The following GABRD variants were observed in gnomAD, a reference collection of about 807,000 sequenced individuals.
GABRD encodes gamma-aminobutyric acid receptor subunit delta.
In GABRD, 25 loss-of-function variants were observed where a neutral mutation model predicts 47.3. That is an observed-to-expected ratio of 0.53 (90% CI 0.39 to 0.74). The LOEUF is 0.74. Among genes scored for constraint, GABRD ranks in the 30% least tolerant of loss-of-function variants. The probability of loss-of-function intolerance (pLI) is 0.00; values close to 1 mark genes in which losing one functional copy is unlikely to be tolerated. For missense variants in GABRD, 497 were observed against 643.4 expected, an observed-to-expected ratio of 0.77 and a Z score of 2.46; for synonymous variants, 314 against 278.8, an observed-to-expected ratio of 1.13 and a Z score of -1.26.
intron 4 of GABRD, chr1:2,027,119 C>T: frequency 3.5e-6 from 1 of 287,162 alleles, no homozygotes; most frequent in Non-Finnish European, 6.7e-6. Context: ...GTCAAGATTG[C>T]ACCACTGCAC....
chr1:2,022,408 G>C (rs879649106), intron 1 of GABRD: 1 of 152,384 alleles, frequency 6.6e-6, no homozygotes, highest in Admixed American at 6.5e-5. Context: ...AATGGCGTGG[G>C]GGTGGGAGCC....
rs772795206 is a variant in GABRD, at chr1:2,025,071, G to A, written c.181+17G>A. The A allele has an allele frequency of 6.3e-7, 1 of 1,597,962 alleles. No individual in the cohort carries two copies. The highest frequency in any genetic ancestry group is 1.1e-5 in the South Asian group (1 of 90,254). ...GCATCGGAGGTGAGGGGCGGTCCAG[G>A]CCCGGCAGGCAGGAGCCGCTGGAGC... is the stretch of plus-strand genomic sequence containing the variant. On this transcript the variant is annotated intron_variant, in intron 2 of 8. Coordinates refer to ENST00000378585, the MANE Select transcript of GABRD (RefSeq NM_000815.5).
rs541971436 is a variant in GABRD at position 2,029,303 on chromosome 1, G to T, written c.847+37G>T. Reference sequence around the variant, plus strand: ...CGCCGCTGCTCCGAGGGAGCTGGAAGGGCGGCCCTGGGGAACAGGACTCCC... The same window carrying T: ...CGCCGCTGCTCCGAGGGAGCTGGAATGGCGGCCCTGGGGAACAGGACTCCC... On this transcript the variant is annotated intron_variant, in intron 7 of 8. Transcript: ENST00000378585. 12 of 1,536,112 alleles carry T rather than the reference G, an allele frequency of 7.8e-6. No individual in the cohort carries two copies. In the African/African-American group the frequency reaches 1.6e-4, roughly 21 times the overall value.
intron 4 of GABRD, 125 bp downstream of exon 4, chr1:2,025,863 A>AG (rs899554874): frequency 4.8e-4 from 346 of 717,530 alleles, no homozygotes; most frequent in East Asian, 3.1e-3. Flanking sequence ...GGGCGGGCGG[A>AG]GGGGGGGGCA....
At chr1:2,024,567 G>A (rs1471131510) in intron 1 of GABRD, 1 of 169,492 alleles carries the variant, frequency 5.9e-6, no homozygotes, top group African/African-American at 2.4e-5. Flanking sequence ...GGGACCCCAG[G>A]GGTGGAGACC....
intron 2 of GABRD, 72 bp downstream of exon 2, chr1:2,025,126 T>G (rs1658883393): frequency 7.2e-7 from 1 of 1,398,190 alleles, no homozygotes; most frequent in African/African-American, 1.4e-5. Context: ...TGTGGCCCAC[T>G]GGGCTGTAGG....
In GABRD at chr1:2,030,133, G is replaced by T; in HGVS notation, c.1210G>T (p.Glu404Ter). ...GGTGGAGACAGGGGAGACGAAGAAG[G>T]AGGGGGCAGCCCGCTCAGGAGGCCA... Reference protein sequence around the residue: ...VGVETGETKKEGAARSGGQGG... With the variant: ...VGVETGETKK Residue 404 changes from glutamate (E) to a stop codon, truncating the protein, a stop_gained, in exon 9 of 9, where the codon GAG becomes TAG. Transcript: ENST00000378585. LOFTEE classifies it high-confidence loss of function. 4.4e-6 allele frequency: 7 copies of T among 1,581,072 alleles called. No homozygotes were observed. The highest frequency in any genetic ancestry group is 5.2e-6 in the Non-Finnish European group (6 of 1,162,540).
At chr1:2,023,351 C>T (rs1658832812) in intron 1 of GABRD, among the ~76,000 whole-genome samples, 1 of 151,852 alleles carries the variant, frequency 6.6e-6, no homozygotes. Flanking sequence ...GGGCTGGTGG[C>T]CCGGCCTCAG....
chr1:2,020,883 G>A (rs780824312), intron 1 of GABRD, among the ~76,000 whole-genome samples: 7 of 152,194 alleles, frequency 4.6e-5, no homozygotes, highest in Non-Finnish European at 7.3e-5. Flanking sequence ...TCCTACTTCT[G>A]GGATTATTTA....
At chr1:2,027,093 G>A (rs537526109) in intron 4 of GABRD, 118 of 228,732 alleles carry the variant, frequency 5.2e-4, no homozygotes, top group Non-Finnish European at 9.5e-4. Flanking sequence ...GCCCCGGGGG[G>A]TTGAGGCTGT....
At position 2,021,231 on chromosome 1, in the gene GABRD, C is replaced by G. The variant is rs149843340; in HGVS notation, c.68+1740C>G. ...GTTACCACCTGGCTGCATGCTGCAG[C>G]CTCTCCTTTGAGGTCATCCTGTCCA... On this transcript the variant is annotated intron_variant, in intron 1 of 8. Coordinates refer to ENST00000378585, the MANE Select transcript of GABRD (RefSeq NM_000815.5). 4.7e-3 allele frequency among the ~76,000 whole-genome samples: 715 copies of G among 152,350 alleles called. 8 individuals are homozygous for G. The highest frequency in any genetic ancestry group is 0.013 in the Admixed American group (199 of 15,312).
intron 4 of GABRD, 42 bp downstream of exon 4, chr1:2,025,780 C>T (rs549493166): frequency 7.3e-5 from 115 of 1,570,904 alleles, no homozygotes; most frequent in South Asian, 6.8e-4. Context: ...AGAGCCTGCC[C>T]GGGCCAAGCG....
intron 4 of GABRD, chr1:2,027,215 C>A: frequency 2.8e-6 from 1 of 354,898 alleles, no homozygotes; most frequent in Non-Finnish European, 5.4e-6. Context: ...AATATTTGAC[C>A]TCTCCTAGAA....
intron 1 of GABRD, chr1:2,024,099 C>G (rs1026838603): frequency 4.6e-5 from 7 of 152,254 alleles, no homozygotes; most frequent in African/African-American, 1.7e-4. Context: ...CCAGTATGGC[C>G]TCATCTTAAC....
At chr1:2,027,457 T>G (rs1658957192) in intron 4 of GABRD, 120 bp from the exon 5 acceptor site, 2 of 777,060 alleles carry the variant, frequency 2.6e-6, no homozygotes, top group Non-Finnish European at 4.5e-6. Flanking sequence ...GCAAACACAG[T>G]CTGAGAAGTA....
intron 4 of GABRD, 124 bp downstream of exon 4, chr1:2,025,862 GA>G (rs1451922007): frequency 2.5e-5 from 19 of 764,452 alleles, no homozygotes; most frequent in Admixed American, 2.0e-4. Flanking sequence ...CGGGCGGGCG[GA>G]GGGGGGGGCA....
rs771493470 is a variant in GABRD, at chr1:2,030,068, G to T, written c.1145G>T (p.Arg382Leu). 8 of 1,609,556 alleles carry T rather than the reference G, an allele frequency of 5.0e-6. No homozygotes were observed. Among genetic ancestry groups the T allele is most frequent in the Middle Eastern group, 1.7e-4 (1 of 6,046 alleles). Residue 382 changes from arginine to leucine, a missense_variant, in exon 9 of 9, where the codon CGC becomes CTC. Arg to Leu is a moderately radical substitution (Grantham distance 102). Transcript: ENST00000378585. ...QELAISRRQR[R>L]VPGNLMGSYR... ...CTGGCCATCTCCCGCCGGCAGCGCC[G>T]CGTCCCGGGGAACCTGATGGGCTCC...
Position 2,028,808 on chromosome 1 carries a change from C to T in GABRD, c.692-303C>T. 1 of 462,612 alleles carries T rather than the reference C, an allele frequency of 2.2e-6. No homozygotes were observed. The highest frequency in any genetic ancestry group is 3.9e-6 in the Non-Finnish European group (1 of 259,546). 28.7% of individuals were successfully genotyped at this position (462,612 alleles called of 1,614,324 possible). A position where few individuals can be genotyped will look rare whatever the true frequency, so the allele number is the denominator to read the frequency against. On this transcript the variant is annotated intron_variant, in intron 6 of 8. Coordinates refer to ENST00000378585, the MANE Select transcript of GABRD (RefSeq NM_000815.5). The surrounding 1 kb of genome is among the most constrained non-coding windows in gnomAD (Gnocchi z 6.4). Reference sequence around the variant, plus strand: ...GAGTGTTAGGAGAGAAAGGGGTGAGCCCTCCCCATTGGTTGCGAGGGTCCC... The same window carrying T: ...GAGTGTTAGGAGAGAAAGGGGTGAGTCCTCCCCATTGGTTGCGAGGGTCCC...
chr1:2,025,377 C>G lies in GABRD; in HGVS notation c.225C>G (p.Ile75Met), dbSNP rs752592606. The G allele has an allele frequency of 6.2e-7, 1 of 1,613,060 alleles. No individual in the cohort carries two copies. The highest frequency in any genetic ancestry group is 1.7e-5 in the Admixed American group (1 of 60,034). The change falls in exon 3 of 9, where the codon ATC (isoleucine) becomes ATG (methionine). Residue 75 changes from isoleucine (I) to methionine (M), a missense_variant. This residue lies in a region of GABRD where 285 missense variants were observed against 436.6 expected (regional missense o/e 0.65). Transcript: ENST00000378585. ...CCCTTGCCCTGGAGGTGGCCAGCAT[C>G]GACCACATCTCAGAGGCCAACATGG... ...NVALALEVAS[I>M]DHISEANMEY...
Sources: gnomAD v4.1 joint callset for allele counts (sites outside exome capture counted in the v4.1 genomes callset) on GRCh38, gnomAD v4.1.1 for gene constraint, gnomAD v4.1.1 regional missense constraint, Gnocchi (gnomAD v3.1) non-coding constraint, MANE v1.5 for transcripts, NCBI Gene and HGNC (gene_info 2026-07-23, HGNC 2026-07-21) for gene names.